THBS3: variants seen among roughly 807,000 people sequenced by gnomAD.
THBS3 encodes thrombospondin 3.
Under a neutral mutation model 118.3 loss-of-function variants are expected in THBS3, and 78 were observed. That is an observed-to-expected ratio of 0.66 (90% CI 0.55 to 0.80). The LOEUF is 0.80. THBS3 is among the 30% of genes least tolerant of loss of function. The probability of loss-of-function intolerance (pLI) is 0.00; values close to 1 mark genes in which losing one functional copy is unlikely to be tolerated. For missense variants in THBS3, 1,057 were observed against 1,247.4 expected (o/e 0.85, Z 2.30); for synonymous variants, 427 against 475.3 (o/e 0.90, Z 1.32).
chr1:155,195,674 C>A lies in THBS3; in HGVS notation c.*167G>T. On this transcript the variant is annotated 3_prime_UTR_variant, in exon 23 of 23. Transcript: ENST00000368378. The stretch of plus-strand genomic sequence containing the variant: ...GTAATACCCCTTGAAAACTTCTCAT[C>A]CCCTGAAGGGTGGGGTGACCACCCC... 1.5e-6 allele frequency: 1 copy of A among 676,452 alleles called. No individual in the cohort carries two copies. The highest frequency in any genetic ancestry group is 1.8e-5 in the South Asian group (1 of 56,614). 41.9% of individuals were successfully genotyped at this position (676,452 alleles called of 1,614,324 possible). A position where few individuals can be genotyped will look rare whatever the true frequency, so the allele number is the denominator to read the frequency against.
Position 155,197,667 on chromosome 1 carries a change from G to A in THBS3, c.2303-8C>T, listed in dbSNP as rs1279679498. 3 of 1,595,292 alleles carry A rather than the reference G, an allele frequency of 1.9e-6. No individual in the cohort carries two copies. The highest frequency in any genetic ancestry group is 1.3e-5 in the African/African-American group (1 of 74,520). The stretch of plus-strand genomic sequence containing the variant: ...CATTGAAGGCCGTGTATCCTGGGGT[G>A]GGGGTGGGATAAAGGTCAGGGGCAG... On this transcript the variant is annotated splice_region_variant and splice_polypyrimidine_tract_variant and intron_variant, in intron 19 of 22. Coordinates refer to ENST00000368378, the MANE Select transcript of THBS3 (RefSeq NM_007112.5). The surrounding 1 kb of genome is among the most constrained non-coding windows in gnomAD (Gnocchi z 5.0).
At position 155,197,651 on chromosome 1, in the gene THBS3, CCG is replaced by C. The variant is rs777635491; in HGVS notation, c.2309_2310del (p.Thr770SerfsTer8). On this transcript the variant is annotated frameshift_variant, in exon 20 of 23. Transcript: ENST00000368378. LOFTEE classifies it high-confidence loss of function. This position sits in a 1 kb window ranked among gnomAD's most constrained non-coding sequence, Gnocchi z 5.0. The part of the protein sequence containing the change: ...NSDPGLAVGY[T>X]AFNGVDFEGT... Reference sequence around the variant, plus strand: ...CCTTCAAAGTCCACACCATTGAAGGCCGTGTATCCTGGGGTGGGGGTGGGATA... The same window carrying C: ...CCTTCAAAGTCCACACCATTGAAGGCTGTATCCTGGGGTGGGGGTGGGATA... 5 of 1,344,434 alleles carry C rather than the reference CCG, an allele frequency of 3.7e-6. No homozygotes were observed. The highest frequency in any genetic ancestry group is 5.3e-6 in the Non-Finnish European group (5 of 948,910). 83.3% of individuals were successfully genotyped at this position (1,344,434 alleles called of 1,614,324 possible).
At chr1:155,199,722 T>TCC (rs1240868728) in intron 16 of THBS3, 82 bp downstream of exon 16, 2 of 1,510,430 alleles carry the variant, frequency 1.3e-6, no homozygotes, top group African/African-American at 2.8e-5. Flanking sequence ...GCCACTGTAC[T>TCC]CCAGCCTAGG....
chr1:155,197,109 A>T lies in THBS3; in HGVS notation c.2604T>A (p.Asn868Lys). The stretch of plus-strand genomic sequence containing the variant: ...AGGAGGTCTTGTCCCGCCAGCCCAC[A>T]TTTCGTGGGTCTGTCCACAGCAGTC... ...QVRLLWTDPR[N>K]VGWRDKTSYR... Residue 868 changes from asparagine (N) to lysine (K), a missense_variant, in exon 21 of 23, where the codon AAT becomes AAA. By Grantham distance (94) the Asn-to-Lys change is moderately conservative (BLOSUM62 0). Around this residue, in one of 3 missense-constraint regions of THBS3, gnomAD observed 307 missense variants for 326.1 expected, o/e 0.94. Transcript: ENST00000368378. The surrounding 1 kb of genome is among the most constrained non-coding windows in gnomAD (Gnocchi z 5.0). 1 of 1,614,064 alleles carries T rather than the reference A, an allele frequency of 6.2e-7. No individual in the cohort carries two copies. Among genetic ancestry groups the T allele is most frequent in the Non-Finnish European group, 8.5e-7 (1 of 1,180,000 alleles).
At chr1:155,207,997 GA>G (rs1196953105), upstream of THBS3, 1 of 469,508 alleles carries the variant, frequency 2.1e-6, no homozygotes, top group African/African-American at 2.0e-5. Context: ...GCAGGCGGGT[GA>G]GGGGGGGCTG....
Position 155,206,137 on chromosome 1 carries a change from TAGG to T in THBS3, c.286+60_286+62del. The T allele has an allele frequency of 6.4e-7, 1 of 1,571,028 alleles. No individual in the cohort carries two copies. Among genetic ancestry groups the T allele is most frequent in the Non-Finnish European group, 8.7e-7 (1 of 1,147,358 alleles). On this transcript the variant is annotated intron_variant, in intron 2 of 22. Coordinates refer to ENST00000368378, the MANE Select transcript of THBS3 (RefSeq NM_007112.5). The surrounding 1 kb of genome is among the most constrained non-coding windows in gnomAD (Gnocchi z 4.2). The stretch of plus-strand genomic sequence containing the variant: ...GGAGAATGAGGAAGCACTTGGGAAG[TAGG>T]GATGAGGGAGAGTGCTTAAGGAGGT...
chr1:155,196,268 G>T, intron 21 of THBS3, 142 bp from the exon 22 acceptor site: 2 of 1,051,896 alleles, frequency 1.9e-6, no homozygotes, highest in Non-Finnish European at 2.7e-6. Flanking sequence ...GGAAAGGGAG[G>T]CAGGAAGGAG....
At position 155,199,855 on chromosome 1, in the gene THBS3, G is replaced by T; in HGVS notation, c.1829C>A (p.Thr610Lys). The change falls in exon 16 of 23, where the codon ACA (threonine) becomes AAA (lysine). Residue 610 changes from threonine (T) to lysine (K), a missense_variant and splice_region_variant. Physicochemically the swap from Thr to Lys is moderately conservative, Grantham distance 78 (BLOSUM62 -1). This residue lies in a region of THBS3 where 544 missense variants were observed against 715.6 expected (regional missense o/e 0.76). Transcript: ENST00000368378. Reference sequence around the variant, plus strand: ...CCCCACCAGGTCGCTGTCTGCATCTGTCTGAGAGAGAGGGACCTGTTCTCA... The same window carrying T: ...CCCCACCAGGTCGCTGTCTGCATCTTTCTGAGAGAGAGGGACCTGTTCTCA... ...SCPEMSNPTQ[T>K]DADSDLVGDV... 6.2e-7 allele frequency: 1 copy of T among 1,614,220 alleles called. No homozygotes were observed. Among genetic ancestry groups the T allele is most frequent in the South Asian group, 1.1e-5 (1 of 91,084 alleles).
rs1184394416 is a variant in THBS3 at position 155,200,094 on chromosome 1, G to A, written c.1728C>T (p.Asp576=). 3 of 1,579,302 alleles carry A rather than the reference G, an allele frequency of 1.9e-6. No individual in the cohort carries two copies. The African/African-American group carries it at 4.1e-5, about 21-fold the overall frequency. The part of the protein sequence containing the change: ...VDGDGIPNGL[D]NCPKVPNPLQ... ...GTGGGTTGGGGACTTTAGGGCAATT[G>A]TCCAATCCATTGGGGATGCCTAGAA... The change falls in exon 15 of 23, where the codon GAC becomes GAT. Residue 576 remains aspartate (D), a synonymous_variant. Transcript: ENST00000368378.
chr1:155,206,609 G>A lies in THBS3; in HGVS notation c.80-203C>T, dbSNP rs370848690. 1.3e-5 allele frequency among the ~76,000 whole-genome samples: 2 copies of A among 151,972 alleles called. No homozygotes were observed. Among genetic ancestry groups the A allele is most frequent in the African/African-American group, 4.8e-5 (2 of 41,362 alleles). ...GCAGGTGGATCGCCTAAGGTCAGGA[G>A]TTCGAGACCAGCCTGGCCAACACGG... On this transcript the variant is annotated intron_variant, in intron 1 of 22. Transcript: ENST00000368378. This position sits in a 1 kb window ranked among gnomAD's most constrained non-coding sequence, Gnocchi z 4.2.
chr1:155,200,247 C>T, intron 14 of THBS3, 134 bp from the exon 15 acceptor site: 1 of 1,015,956 alleles, frequency 9.8e-7, no homozygotes, highest in Non-Finnish European at 1.5e-6. Context: ...TCTTGTCTCA[C>T]CCTCTAGTCC....
intron 21 of THBS3, chr1:155,196,357 G>A (rs912219066): frequency 1.6e-5 from 9 of 562,202 alleles, no homozygotes; most frequent in Admixed American, 3.3e-5. Context: ...AGCACCAGCC[G>A]CATTCCAAGC....
chr1:155,199,192 C>T (rs560671059), intron 16 of THBS3, among the ~76,000 whole-genome samples: 2 of 151,396 alleles, frequency 1.3e-5, no homozygotes, highest in East Asian at 1.9e-4. Flanking sequence ...AGGCAAATCA[C>T]GAGATCAGGA....
rs767669157 is a variant in THBS3 at position 155,203,285 on chromosome 1, C to A, written c.694G>T (p.Val232Phe). ...SILGEQTKAL[V>F]TQLTLFNQIL... Reference sequence around the variant, plus strand: ...TGGTTGAAGAGGGTGAGTTGGGTGACCAGCGCCTTGGTCTGCTCCCCTGTC... The same window carrying A: ...TGGTTGAAGAGGGTGAGTTGGGTGAACAGCGCCTTGGTCTGCTCCCCTGTC... Residue 232 changes from valine to phenylalanine, a missense_variant, in exon 6 of 23, where the codon GTC becomes TTC. By Grantham distance (50) the Val-to-Phe change is conservative. Coordinates refer to ENST00000368378, the MANE Select transcript of THBS3 (RefSeq NM_007112.5). The A allele has an allele frequency of 1.2e-6, 2 of 1,614,082 alleles. No homozygotes were observed. The highest frequency in any genetic ancestry group is 2.2e-5 in the East Asian group (1 of 44,878).
intron 4 of THBS3, 33 bp downstream of exon 4, chr1:155,204,822 G>A (rs773318635): frequency 2.0e-5 from 32 of 1,590,602 alleles, no homozygotes; most frequent in South Asian, 3.3e-5. Flanking sequence ...CAGGATCCGT[G>A]GTCCAATGTC....
Position 155,202,616 on chromosome 1 carries a change from C to G in THBS3, c.957+196G>C, listed in dbSNP as rs1571906652. Among the ~76,000 whole-genome samples the G allele has an allele frequency of 6.6e-6, 1 of 152,318 alleles. No homozygotes were observed. Among genetic ancestry groups the G allele is most frequent in the South Asian group, 2.1e-4 (1 of 4,828 alleles). ...ATCTCAAGCCTCCCCTGCAGTTTCCCCAGCTCCTTCCCTGTATGGCCTTCA... is the reference window on the plus strand; with the variant it reads ...ATCTCAAGCCTCCCCTGCAGTTTCCGCAGCTCCTTCCCTGTATGGCCTTCA... On this transcript the variant is annotated intron_variant, in intron 8 of 22. Transcript: ENST00000368378. The surrounding 1 kb of genome is among the most constrained non-coding windows in gnomAD (Gnocchi z 5.5).
At chr1:155,208,900 C>G (rs1571941508), upstream of THBS3, 1 of 1,611,664 alleles carries the variant, frequency 6.2e-7, no homozygotes, top group Non-Finnish European at 8.5e-7. Flanking sequence ...GCAAGAGCCC[C>G]CAGACCTGGC....
intron 4 of THBS3, among the ~76,000 whole-genome samples, chr1:155,203,893 A>G (rs1249001199): frequency 6.6e-6 from 1 of 150,804 alleles, no homozygotes; most frequent in East Asian, 1.9e-4. Flanking sequence ...GCTGGAATGC[A>G]GTGGCGTGAT....
chr1:155,198,703 C>G (rs1669119065), intron 16 of THBS3, 101 bp from the exon 17 acceptor site: 1 of 1,227,764 alleles, frequency 8.1e-7, no homozygotes, highest in South Asian at 1.4e-5. Flanking sequence ...TCCATACAAT[C>G]AGACCCCTGG....
Sources: allele counts gnomAD v4.1 joint callset (sites outside exome capture counted in the v4.1 genomes callset), GRCh38; gene constraint gnomAD v4.1.1; regional missense constraint gnomAD v4.1.1; non-coding constraint Gnocchi (gnomAD v3.1); transcripts MANE v1.5; gene names NCBI Gene and HGNC (gene_info 2026-07-23, HGNC 2026-07-21).